EHMT1: variants seen among roughly 807,000 people sequenced by gnomAD.
EHMT1 encodes the protein histone-lysine N-methyltransferase EHMT1.
In EHMT1, 15 loss-of-function variants were observed where a neutral mutation model predicts 147.2. The ratio of observed to expected loss-of-function variants is 0.10; its 90% confidence interval spans 0.07 to 0.16. The LOEUF is 0.16. Ranked by LOEUF, EHMT1 falls within the 10% of genes least tolerant of loss-of-function variation. The pLI is 1.00. For missense variants in EHMT1, 1,587 were observed against 1,772.4 expected (o/e 0.90, Z 1.88); for synonymous variants, 795 against 709.6 (o/e 1.12, Z -1.91).
chr9:137,719,381 G>A (rs1422724022), intron 3 of EHMT1, among the ~76,000 whole-genome samples: 1 of 151,890 alleles, frequency 6.6e-6, no homozygotes, highest in Non-Finnish European at 1.5e-5. Flanking sequence ...GGGGTGGTGG[G>A]TGCGTTGTGG....
chr9:137,689,980 T>C (rs1942796152), intron 1 of EHMT1, among the ~76,000 whole-genome samples: 1 of 152,184 alleles, frequency 6.6e-6, no homozygotes, highest in African/African-American at 2.4e-5. Context: ...AGTGCACGCA[T>C]AGGCTCTCAG....
chr9:137,715,899 C>A (rs959016843), intron 2 of EHMT1: 2 of 921,174 alleles, frequency 2.2e-6, no homozygotes, highest in East Asian at 1.2e-4. Flanking sequence ...TAACGTTCAA[C>A]GTTAATGCTT....
intron 1 of EHMT1, among the ~76,000 whole-genome samples, chr9:137,654,670 G>A (rs1325395253): frequency 6.6e-6 from 1 of 152,202 alleles, no homozygotes; most frequent in African/African-American, 2.4e-5. Flanking sequence ...GCCCAGTGAG[G>A]TGGGCCAGAC....
intron 1 of EHMT1, among the ~76,000 whole-genome samples, chr9:137,707,548 C>A (rs1051836829): frequency 6.6e-6 from 1 of 152,216 alleles, no homozygotes; most frequent in African/African-American, 2.4e-5. Context: ...CTGGCCCTAA[C>A]ACTGGTATGA....
At chr9:137,629,886 C>CATT (rs1268998499) in intron 1 of EHMT1, among the ~76,000 whole-genome samples, 1 of 152,192 alleles carries the variant, frequency 6.6e-6, no homozygotes, top group African/African-American at 2.4e-5. Context: ...ATATAGAAAG[C>CATT]ATTACTTCCA....
chr9:137,708,178 A>G (rs765758872), intron 1 of EHMT1, among the ~76,000 whole-genome samples: 11 of 152,334 alleles, frequency 7.2e-5, no homozygotes, highest in Admixed American at 6.5e-5. Context: ...ATTGTTTTCC[A>G]TGTTGGTCCA....
intron 1 of EHMT1, among the ~76,000 whole-genome samples, chr9:137,629,496 C>G (rs1227053144): frequency 6.6e-6 from 1 of 151,760 alleles, no homozygotes; most frequent in Admixed American, 6.6e-5. Flanking sequence ...TGGGTTCTCG[C>G]CATTCTTCTG....
At chr9:137,744,173 A>G in intron 6 of EHMT1, 83 bp downstream of exon 6, 1 of 1,450,676 alleles carries the variant, frequency 6.9e-7, no homozygotes, top group Non-Finnish European at 9.6e-7. Context: ...CAGTCTGGTC[A>G]CTTCTAGACC....
In EHMT1 at chr9:137,744,103, G is replaced by A. The variant is rs1272002250; in HGVS notation, c.1170+13G>A. ...TCGCGCCCAGAAGGTATGTGTTGCT[G>A]TCTTGGGTGACAGCACAAGGAAAGA... On this transcript the variant is annotated intron_variant, in intron 6 of 26. Coordinates refer to ENST00000460843, the MANE Select transcript of EHMT1 (RefSeq NM_024757.5). 8 of 1,613,784 alleles carry A rather than the reference G, an allele frequency of 5.0e-6. No individual in the cohort carries two copies. Among genetic ancestry groups the A allele is most frequent in the African/African-American group, 1.3e-5 (1 of 75,064 alleles).
intron 16 of EHMT1, among the ~76,000 whole-genome samples, chr9:137,795,930 G>A (rs1302218881): frequency 6.6e-6 from 1 of 152,196 alleles, no homozygotes; most frequent in Non-Finnish European, 1.5e-5. Flanking sequence ...GAAAAACTGT[G>A]CAACTAGAAT....
intron 1 of EHMT1, among the ~76,000 whole-genome samples, chr9:137,706,870 G>T (rs1284925357): frequency 6.6e-6 from 1 of 151,270 alleles, no homozygotes; most frequent in East Asian, 1.9e-4. Context: ...TGCCCAGGCT[G>T]GAGTGAAGCA....
At chr9:137,795,435 A>ACT (rs1554887529) in intron 16 of EHMT1, among the ~76,000 whole-genome samples, 8 of 132,552 alleles carry the variant, frequency 6.0e-5, no homozygotes, top group African/African-American at 9.9e-5. Flanking sequence ...ACACTCTCAC[A>ACT]CTCACATACA....
At position 137,775,065 on chromosome 9, in the gene EHMT1, C is replaced by T. The variant is rs762317520; in HGVS notation, c.1648-44C>T. ...GCGCCTGGTGGGAGGGAATGCCGGC[C>T]TCTCGTGACTCTGACATTGACCACC... On this transcript the variant is annotated intron_variant, in intron 10 of 26. Coordinates refer to ENST00000460843, the MANE Select transcript of EHMT1 (RefSeq NM_024757.5). This position sits in a 1 kb window ranked among gnomAD's most constrained non-coding sequence, Gnocchi z 6.1. 5.0e-6 allele frequency: 8 copies of T among 1,613,656 alleles called. No homozygotes were observed. The South Asian group carries it at 7.7e-5, about 16-fold the overall frequency.
At chr9:137,736,798 C>T (rs942185130) in intron 4 of EHMT1, among the ~76,000 whole-genome samples, 6 of 151,812 alleles carry the variant, frequency 4.0e-5, no homozygotes, top group Admixed American at 2.6e-4. Flanking sequence ...GGCCGAGGCA[C>T]GAGAATTACT....
At chr9:137,736,817 G>A (rs747127709) in intron 4 of EHMT1, among the ~76,000 whole-genome samples, 1 of 152,152 alleles carries the variant, frequency 6.6e-6, no homozygotes, top group Non-Finnish European at 1.5e-5. Flanking sequence ...CTTGAACCTG[G>A]GAGGTGGAGG....
intron 22 of EHMT1, 26 bp downstream of exon 22, chr9:137,814,534 C>T (rs761518853): frequency 1.2e-6 from 2 of 1,601,540 alleles, no homozygotes; most frequent in Admixed American, 3.3e-5. Context: ...TGTGCGTGGG[C>T]TCAGGTGGTA....
rs1956515498 is a variant in EHMT1, at chr9:137,835,261, G to T, written c.*308G>T. 2.0e-5 allele frequency: 6 copies of T among 293,102 alleles called. No homozygotes were observed. In the South Asian group the frequency reaches 4.6e-4, roughly 22 times the overall value. 18.2% of individuals were successfully genotyped at this position (293,102 alleles called of 1,614,324 possible). On this transcript the variant is annotated 3_prime_UTR_variant, in exon 27 of 27. Coordinates refer to ENST00000460843, the MANE Select transcript of EHMT1 (RefSeq NM_024757.5). ...TCTGAGTTTCTGATGCTGATTTGTC[G>T]TTGCGAAGTTTCTCGTTTCTTCCTC...
intron 1 of EHMT1, among the ~76,000 whole-genome samples, chr9:137,698,083 C>T (rs933138788): frequency 7.9e-5 from 12 of 151,072 alleles, no homozygotes; most frequent in African/African-American, 2.9e-4. Flanking sequence ...GGAGGCCTCA[C>T]TCCCTGGCTT....
intron 10 of EHMT1, among the ~76,000 whole-genome samples, chr9:137,768,455 G>A (rs1287483938): frequency 3.6e-5 from 5 of 138,850 alleles, no homozygotes; most frequent in Non-Finnish European, 6.1e-5. Flanking sequence ...CCAGGTTCAA[G>A]CGATTCTTTT....
Sources: allele counts gnomAD v4.1 joint callset (sites outside exome capture counted in the v4.1 genomes callset), GRCh38; gene constraint gnomAD v4.1.1; non-coding constraint Gnocchi (gnomAD v3.1); transcripts MANE v1.5; gene names NCBI Gene and HGNC (gene_info 2026-07-23, HGNC 2026-07-21).